XIRP2: variants seen among roughly 807,000 people sequenced by gnomAD.
XIRP2 encodes the protein xin actin binding repeat containing 2, also known as xin actin-binding repeat-containing protein 2.
In XIRP2, 236 loss-of-function variants were observed where a neutral mutation model predicts 277.0. The observed-to-expected ratio is 0.85, with a 90% CI of 0.77 to 0.95. The LOEUF (loss-of-function observed/expected upper bound fraction) is 0.95. Ranked by LOEUF, XIRP2 falls within the 40% of genes least tolerant of loss-of-function variation. XIRP2 has a pLI of 0.00. For synonymous variants in XIRP2, 1,490 were observed against 1,416.5 expected (o/e 1.05, Z -1.17); for missense variants, 4,640 against 4,157.5 (o/e 1.12, Z -3.19).
chr2:167,000,344 T>A (rs879754859), intron 2 of XIRP2, among the ~76,000 whole-genome samples: 1 of 152,088 alleles, frequency 6.6e-6, no homozygotes, highest in Non-Finnish European at 1.5e-5. Context: ...TTTTGCTTGT[T>A]TTTATTTGTT....
At chr2:167,210,365 C>T (rs192484651) in intron 3 of XIRP2, among the ~76,000 whole-genome samples, 58 of 152,190 alleles carry the variant, frequency 3.8e-4, no homozygotes, top group African/African-American at 1.4e-3. Context: ...ATAATATTAC[C>T]TACCTTACAA....
At chr2:167,134,135 A>G (rs1425604116) in intron 2 of XIRP2, among the ~76,000 whole-genome samples, 2 of 151,868 alleles carry the variant, frequency 1.3e-5, no homozygotes, top group African/African-American at 2.4e-5. Flanking sequence ...ATATATGTGT[A>G]TATACACACA....
At chr2:167,220,399 G>A (rs893014913) in intron 5 of XIRP2, among the ~76,000 whole-genome samples, 2 of 152,142 alleles carry the variant, frequency 1.3e-5, no homozygotes, top group African/African-American at 4.8e-5. Flanking sequence ...TAGTATGACA[G>A]TATCCACCCC....
chr2:167,197,172 A>G (rs981516951), intron 3 of XIRP2, among the ~76,000 whole-genome samples: 1 of 152,208 alleles, frequency 6.6e-6, no homozygotes, highest in Non-Finnish European at 1.5e-5. Context: ...GGAGAGTCAC[A>G]GGTTTACATG....
At chr2:167,016,350 C>A (rs1687827806) in intron 2 of XIRP2, among the ~76,000 whole-genome samples, 1 of 151,904 alleles carries the variant, frequency 6.6e-6, no homozygotes, top group African/African-American at 2.4e-5. Context: ...TCTTTCTTGA[C>A]AAAGTGGAAA....
At chr2:166,981,979 T>G (rs773874969) in intron 2 of XIRP2, among the ~76,000 whole-genome samples, 5 of 152,208 alleles carry the variant, frequency 3.3e-5, no homozygotes, top group Non-Finnish European at 7.3e-5. Flanking sequence ...TAACTCATAG[T>G]TTCTTTTAAC....
At chr2:167,238,614 T>G (rs574249066) in intron 5 of XIRP2, among the ~76,000 whole-genome samples, 1 of 152,274 alleles carries the variant, frequency 6.6e-6, no homozygotes, top group South Asian at 2.1e-4. Context: ...GTGTTTTAAC[T>G]TACTGCAAAA....
intron 3 of XIRP2, among the ~76,000 whole-genome samples, chr2:167,147,998 T>C (rs1691905735): frequency 6.6e-6 from 1 of 152,188 alleles, no homozygotes; most frequent in East Asian, 1.9e-4. Context: ...ACATTAAAGT[T>C]TTAGGAGTAA....
At chr2:167,043,989 C>A (rs189367921) in intron 2 of XIRP2, among the ~76,000 whole-genome samples, 1 of 152,042 alleles carries the variant, frequency 6.6e-6, no homozygotes, top group Non-Finnish European at 1.5e-5. Flanking sequence ...AAATGTCAGG[C>A]CAGTATTCCT....
In XIRP2 at chr2:167,095,642, C is replaced by A. The variant is rs374296065; in HGVS notation, c.409-40267C>A. ...TATTGATTTGCATATGTTGAACGAGCCTTGCATCCCATGGATGAAGCCAAC... is the reference window on the plus strand; with the variant it reads ...TATTGATTTGCATATGTTGAACGAGACTTGCATCCCATGGATGAAGCCAAC... On this transcript the variant is annotated intron_variant, in intron 2 of 10. Transcript: ENST00000409195. Among the ~76,000 whole-genome samples, 141 of 152,080 alleles carry A rather than the reference C, an allele frequency of 9.3e-4. 1 individual carries two copies. The highest frequency in any genetic ancestry group is 3.4e-3 in the African/African-American group (139 of 41,486).
chr2:167,040,206 G>T (rs975576089), intron 2 of XIRP2, among the ~76,000 whole-genome samples: 1 of 151,586 alleles, frequency 6.6e-6, no homozygotes, highest in Non-Finnish European at 1.5e-5. Context: ...GCCAGGAAGA[G>T]CTTCCCCCAC....
At chr2:167,148,524 G>A (rs1482136176) in intron 3 of XIRP2, among the ~76,000 whole-genome samples, 1 of 151,206 alleles carries the variant, frequency 6.6e-6, no homozygotes, top group Admixed American at 6.6e-5. Context: ...AGGGAAAGAG[G>A]TAAAGAAAGG....
chr2:166,917,624 T>TA lies in XIRP2; in HGVS notation c.408+13745dup, dbSNP rs920487521. On this transcript the variant is annotated intron_variant, in intron 2 of 10. Transcript: ENST00000409195. ...ATGTGCAGTCACAATATGACACTGT[T>TA]AAAAAAAAAAAGCCAGTAACCATAC... Among the ~76,000 whole-genome samples, 580 of 145,732 alleles carry TA rather than the reference T, an allele frequency of 4.0e-3. 3 individuals are homozygous for TA. Among genetic ancestry groups the TA allele is most frequent in the African/African-American group, 0.011 (450 of 39,914 alleles).
At chr2:167,214,093 A>AAGGAAGGAAGGAAG (rs1694147519) in intron 4 of XIRP2, among the ~76,000 whole-genome samples, 3 of 64,362 alleles carry the variant, frequency 4.7e-5, no homozygotes, top group East Asian at 8.4e-4. Flanking sequence ...GAAGAAAGAA[A>AAGGAAGGAAGGAAG]GAAGGAAGGA....
intron 2 of XIRP2, among the ~76,000 whole-genome samples, chr2:166,958,189 T>C (rs527372345): frequency 6.6e-6 from 1 of 151,960 alleles, no homozygotes; most frequent in African/African-American, 2.4e-5. Flanking sequence ...ACAAGACCCA[T>C]TGACTGTGGG....
chr2:166,893,185 G>C (rs947424871), intron 1 of XIRP2, among the ~76,000 whole-genome samples: 5 of 151,900 alleles, frequency 3.3e-5, no homozygotes, highest in African/African-American at 1.2e-4. Context: ...ATAAATATTA[G>C]AGTAACTGGT....
At position 167,076,993 on chromosome 2, in the gene XIRP2, G is replaced by T. The variant is rs140364568; in HGVS notation, c.409-58916G>T. ...TTACAGGCACATGCCCCCCTACTTG[G>T]CTCATTTTTGTGTGTTTTTTTGTTT... On this transcript the variant is annotated intron_variant, in intron 2 of 10. Coordinates refer to ENST00000409195, the MANE Select transcript of XIRP2 (RefSeq NM_152381.6). Among the ~76,000 whole-genome samples the T allele has an allele frequency of 2.5e-3, 375 of 151,816 alleles. 2 individuals are homozygous for T. The highest frequency in any genetic ancestry group is 8.6e-3 in the African/African-American group (356 of 41,400).
chr2:166,924,519 A>G (rs951822872), intron 2 of XIRP2, among the ~76,000 whole-genome samples: 5 of 151,910 alleles, frequency 3.3e-5, no homozygotes, highest in African/African-American at 9.7e-5. Context: ...TATGACAAAT[A>G]TATGTATATT....
At chr2:166,940,693 G>C (rs1685681393) in intron 2 of XIRP2, among the ~76,000 whole-genome samples, 1 of 152,188 alleles carries the variant, frequency 6.6e-6, no homozygotes, top group African/African-American at 2.4e-5. Context: ...AGGTCTGTTG[G>C]AGTTTGCTGG....
Sources: allele counts gnomAD v4.1 joint callset (sites outside exome capture counted in the v4.1 genomes callset), GRCh38; gene constraint gnomAD v4.1.1; transcripts MANE v1.5; gene names NCBI Gene and HGNC (gene_info 2026-07-23, HGNC 2026-07-21).